The following CUL1 variants were observed in gnomAD, a reference collection of about 807,000 sequenced individuals.
CUL1 encodes cullin-1.
Under a neutral mutation model 118.0 loss-of-function variants are expected in CUL1, and 24 were observed. The ratio of observed to expected loss-of-function variants is 0.20; its 90% CI spans 0.15 to 0.29. The LOEUF is 0.29. CUL1 is among the 10% of genes least tolerant of loss of function. The pLI is 1.00. For synonymous variants in CUL1, 332 were observed against 340.4 expected, an observed-to-expected ratio of 0.98 and a Z score of 0.27; for missense variants, 361 against 933.8, an observed-to-expected ratio of 0.39 and a Z score of 7.99.
Position 148,790,431 on chromosome 7 carries a change from AT to A in CUL1, c.1797del (p.Tyr599Ter), listed in dbSNP as rs1800965471. On this transcript the variant is annotated frameshift_variant, in exon 16 of 22. Coordinates refer to ENST00000325222, the MANE Select transcript of CUL1 (RefSeq NM_003592.3). LOFTEE classifies it high-confidence loss of function. Reference sequence around the variant, plus strand: ...GTAACTAACTGCTTCAAAAACAGATATACTTTGCAGGTAAGATCACATTTTT... The same window carrying A: ...GTAACTAACTGCTTCAAAAACAGATAACTTTGCAGGTAAGATCACATTTTT... ...ELVTNCFKNR[Y>X]TLQASTFQMA... 1 of 1,613,506 alleles carries A rather than the reference AT, an allele frequency of 6.2e-7. No individual in the cohort carries two copies. The highest frequency in any genetic ancestry group is 1.3e-5 in the African/African-American group (1 of 74,944).
intron 1 of CUL1, among the ~76,000 whole-genome samples, chr7:148,710,664 CTT>C (rs113545945): frequency 4.8e-5 from 7 of 144,960 alleles, no homozygotes; most frequent in Admixed American, 6.9e-5. Context: ...ACATTTTCTC[CTT>C]TTTTTTTTTT....
intron 1 of CUL1, among the ~76,000 whole-genome samples, chr7:148,706,828 T>C (rs1323787152): frequency 2.6e-5 from 4 of 152,164 alleles, no homozygotes; most frequent in African/African-American, 9.7e-5. Flanking sequence ...GCCTTACTAC[T>C]CTACTTGTTT....
At chr7:148,793,375 C>T (rs187368074) in intron 17 of CUL1, among the ~76,000 whole-genome samples, 270 of 152,222 alleles carry the variant, frequency 1.8e-3, no homozygotes, top group African/African-American at 6.3e-3. Flanking sequence ...TTAGTATATT[C>T]ACAAGCTTAT....
At chr7:148,774,208 G>T (rs1800323155) in intron 9 of CUL1, among the ~76,000 whole-genome samples, 1 of 152,186 alleles carries the variant, frequency 6.6e-6, no homozygotes, top group African/African-American at 2.4e-5. Flanking sequence ...CAGAGAGCTT[G>T]CCATTAAAGA....
intron 2 of CUL1, among the ~76,000 whole-genome samples, chr7:148,731,918 C>T (rs1443632250): frequency 1.3e-5 from 2 of 152,196 alleles, no homozygotes; most frequent in African/African-American, 4.8e-5. Context: ...GCCCATTGAT[C>T]AATGATGGAC....
intron 2 of CUL1, among the ~76,000 whole-genome samples, chr7:148,753,746 C>T (rs1465898997): frequency 6.6e-6 from 1 of 152,194 alleles, no homozygotes; most frequent in Non-Finnish European, 1.5e-5. Flanking sequence ...ATGTTCCCTT[C>T]TCCACCTTGG....
At chr7:148,714,507 A>AT (rs1198680805) in intron 1 of CUL1, among the ~76,000 whole-genome samples, 4 of 152,302 alleles carry the variant, frequency 2.6e-5, no homozygotes, top group South Asian at 2.1e-4. Context: ...TTGGTGCTTG[A>AT]TTTTTTAAGG....
chr7:148,732,582 C>T (rs542844355), intron 2 of CUL1, among the ~76,000 whole-genome samples: 111 of 151,998 alleles, frequency 7.3e-4, no homozygotes, highest in South Asian at 1.7e-3. Context: ...TCAAGCATTC[C>T]GCCTGGCTTG....
chr7:148,763,292 T>C (rs1476507345), intron 7 of CUL1, among the ~76,000 whole-genome samples: 3 of 152,138 alleles, frequency 2.0e-5, no homozygotes, highest in South Asian at 2.1e-4. Context: ...CTGGTTCCCA[T>C]AGAGGGGATT....
intron 9 of CUL1, among the ~76,000 whole-genome samples, chr7:148,771,175 G>T (rs990444482): frequency 6.6e-6 from 1 of 152,084 alleles, no homozygotes; most frequent in Non-Finnish European, 1.5e-5. Context: ...TGTTCTTGAT[G>T]AAATAAACTC....
intron 4 of CUL1, among the ~76,000 whole-genome samples, chr7:148,758,804 T>G (rs894600674): frequency 6.6e-6 from 1 of 152,198 alleles, no homozygotes; most frequent in Non-Finnish European, 1.5e-5. Flanking sequence ...CCCTTTAACA[T>G]TTTATTTATT....
chr7:148,705,593 G>A (rs555384179), intron 1 of CUL1, among the ~76,000 whole-genome samples: 18 of 152,284 alleles, frequency 1.2e-4, no homozygotes, highest in African/African-American at 4.3e-4. Flanking sequence ...ATAGGCATCC[G>A]AAAGTCAGAA....
chr7:148,721,698 A>T (rs982312123), intron 1 of CUL1, among the ~76,000 whole-genome samples: 14 of 151,948 alleles, frequency 9.2e-5, no homozygotes, highest in African/African-American at 2.9e-4. Context: ...TATAAAAATG[A>T]TATACTGTAT....
chr7:148,778,768 G>A (rs537539840), intron 9 of CUL1, among the ~76,000 whole-genome samples: 1 of 152,324 alleles, frequency 6.6e-6, no homozygotes, highest in East Asian at 1.9e-4. Context: ...CTGGCTGGAT[G>A]AAAGATGTGG....
rs1462923436 is a variant in CUL1, at chr7:148,790,387, G to A, written c.1752G>A (p.Gln584=). ...HSGRKLTWLY[Q]LSKGELVTNC... Reference sequence around the variant, plus strand: ...GCCGAAAATTGACGTGGTTATATCAGTTGTCTAAAGGAGAATTGGTAACTA... The same window carrying A: ...GCCGAAAATTGACGTGGTTATATCAATTGTCTAAAGGAGAATTGGTAACTA... Residue 584 remains glutamine, a synonymous_variant, in exon 16 of 22, where the codon CAG becomes CAA. Transcript: ENST00000325222. 6.2e-7 allele frequency: 1 copy of A among 1,614,080 alleles called. No homozygotes were observed. Among genetic ancestry groups the A allele is most frequent in the East Asian group, 2.2e-5 (1 of 44,884 alleles).
Position 148,800,411 on chromosome 7 carries a change from T to G in CUL1, c.2251-91T>G. 7 of 996,054 alleles carry G rather than the reference T, an allele frequency of 7.0e-6. No homozygotes were observed. The highest frequency in any genetic ancestry group is 7.8e-6 in the Non-Finnish European group (5 of 639,452). The allele number at this position is 996,054 out of a possible 1,614,324, so 61.7% of individuals were successfully genotyped here. ...CCACTGAGCTCCGAATCAGGGGAGATTTGTGGTGGGGGCAGCCTCTCTCTG... is the reference window on the plus strand; with the variant it reads ...CCACTGAGCTCCGAATCAGGGGAGAGTTGTGGTGGGGGCAGCCTCTCTCTG... On this transcript the variant is annotated intron_variant, in intron 21 of 21. Transcript: ENST00000325222. This position sits in a 1 kb window ranked among gnomAD's most constrained non-coding sequence, Gnocchi z 4.6.
chr7:148,744,245 T>G (rs1799235350), intron 2 of CUL1, among the ~76,000 whole-genome samples: 2 of 152,204 alleles, frequency 1.3e-5, no homozygotes, highest in South Asian at 4.1e-4. Context: ...CCATTAACAT[T>G]TGTTATAATT....
rs148470158 is a variant in CUL1 at position 148,769,585 on chromosome 7, A to G, written c.1083+1836A>G. Among the ~76,000 whole-genome samples, 600 of 152,298 alleles carry G rather than the reference A, an allele frequency of 3.9e-3. 2 individuals are homozygous for G. The highest frequency in any genetic ancestry group is 0.014 in the African/African-American group (564 of 41,560). ...GCAGCAGAGCCAAGTAAATGACTTG[A>G]CTTTCCTTGAAATGAGTTAAGTGGG... is the stretch of plus-strand genomic sequence containing the variant. On this transcript the variant is annotated intron_variant, in intron 9 of 21. Coordinates refer to ENST00000325222, the MANE Select transcript of CUL1 (RefSeq NM_003592.3).
At chr7:148,746,248 G>C (rs1002012494) in intron 2 of CUL1, among the ~76,000 whole-genome samples, 1 of 152,168 alleles carries the variant, frequency 6.6e-6, no homozygotes, top group Non-Finnish European at 1.5e-5. Flanking sequence ...CCTGCTCTCT[G>C]GAAGCAACTG....
Sources: allele counts gnomAD v4.1 joint callset (sites outside exome capture counted in the v4.1 genomes callset), GRCh38; gene constraint gnomAD v4.1.1; non-coding constraint Gnocchi (gnomAD v3.1); transcripts MANE v1.5; gene names NCBI Gene and HGNC (gene_info 2026-07-23, HGNC 2026-07-21).